MGAT4C: variants seen among roughly 807,000 people sequenced by gnomAD.
MGAT4C encodes the protein MGAT4 family member C, also known as alpha-1,3-mannosyl-glycoprotein 4-beta-N-acetylglucosaminyltransferase C.
Under a neutral mutation model 40.1 loss-of-function variants are expected in MGAT4C, and 19 were observed. The observed-to-expected ratio is 0.47, with a 90% CI of 0.33 to 0.70. The LOEUF (loss-of-function observed/expected upper bound fraction) is 0.70, where lower values mean the gene tolerates loss of function less well. MGAT4C is among the 30% of genes least tolerant of loss of function. The pLI, the probability that MGAT4C is intolerant of heterozygous loss-of-function variation, is 0.02. For synonymous variants in MGAT4C, 181 were observed against 187.1 expected (o/e 0.97, Z 0.27); for missense variants, 491 against 563.2 (o/e 0.87, Z 1.30).
intron 1 of MGAT4C, among the ~76,000 whole-genome samples, chr12:86,200,924 T>C (rs898543773): frequency 6.6e-6 from 1 of 152,134 alleles, no homozygotes; most frequent in African/African-American, 2.4e-5. Context: ...GGAGAGGCCA[T>C]GTGAGGACAT....
intron 1 of MGAT4C, among the ~76,000 whole-genome samples, chr12:86,124,239 C>G (rs1473334871): frequency 6.6e-6 from 1 of 152,148 alleles, no homozygotes; most frequent in Non-Finnish European, 1.5e-5. Context: ...ATTCTCCAAA[C>G]TCACTTGCCT....
At chr12:86,341,062 C>A (rs1459273564) in intron 3 of MGAT4C, among the ~76,000 whole-genome samples, 1 of 152,114 alleles carries the variant, frequency 6.6e-6, no homozygotes, top group Non-Finnish European at 1.5e-5. Flanking sequence ...ACAAAAGGGG[C>A]AAGTAAATAC....
chr12:86,392,982 C>A (rs1407102539), intron 3 of MGAT4C, among the ~76,000 whole-genome samples: 1 of 152,054 alleles, frequency 6.6e-6, no homozygotes, highest in East Asian at 1.9e-4. Context: ...ACTAAGAAAA[C>A]AATTTGCATC....
chr12:86,506,223 C>A (rs942847108), intron 2 of MGAT4C, among the ~76,000 whole-genome samples: 1 of 152,156 alleles, frequency 6.6e-6, no homozygotes, highest in Non-Finnish European at 1.5e-5. Context: ...CCAAATAGAA[C>A]CACTCTTCCT....
rs113052073 is a variant in MGAT4C at position 86,404,032 on chromosome 12, C to A, written c.-120+31125G>T. On this transcript the variant is annotated intron_variant, in intron 3 of 7. Coordinates refer to the MGAT4C transcript ENST00000548651. ...AATAATGAAGACTGTACATTAAAAC[C>A]TTTCACTGGTCATGGTGGTGTTCAC... Among the ~76,000 whole-genome samples the A allele has an allele frequency of 5.8e-3, 885 of 152,016 alleles. 7 individuals are homozygous for A. The highest frequency in any genetic ancestry group is 0.02 in the African/African-American group (849 of 41,464).
At position 85,962,895 on chromosome 12, in the gene MGAT4C, G is replaced by A. The variant is rs1361333865; in HGVS notation, c.*16394C>T. On this transcript the variant is annotated 3_prime_UTR_variant, in exon 5 of 5. Transcript: ENST00000611864. ...AATGGGTAAATAGCTGTTTATGTTAGTATTGCAGGGTAGCTATTTGATAAT... is the reference window on the plus strand; with the variant it reads ...AATGGGTAAATAGCTGTTTATGTTAATATTGCAGGGTAGCTATTTGATAAT... The A allele has an allele frequency of 1.3e-5, 2 of 151,510 alleles. No homozygotes were observed. Among genetic ancestry groups the A allele is most frequent in the African/African-American group, 4.8e-5 (2 of 41,352 alleles). The allele number at this position is 151,510 out of a possible 1,614,324, so 9.4% of individuals were successfully genotyped here.
chr12:86,190,484 A>T (rs925476686), intron 1 of MGAT4C, among the ~76,000 whole-genome samples: 3 of 152,144 alleles, frequency 2.0e-5, no homozygotes. Flanking sequence ...CAGATCATAC[A>T]TCATTCCTTT....
intron 1 of MGAT4C, among the ~76,000 whole-genome samples, chr12:86,837,967 C>T (rs1361609652): frequency 2.0e-5 from 3 of 152,098 alleles, no homozygotes; most frequent in Non-Finnish European, 4.4e-5. Flanking sequence ...TAGCATTTTG[C>T]TTTGCTAAAC....
chr12:86,013,271 G>A (rs1248356284), intron 2 of MGAT4C, among the ~76,000 whole-genome samples: 1 of 150,788 alleles, frequency 6.6e-6, no homozygotes, highest in Non-Finnish European at 1.5e-5. Flanking sequence ...ATTTTTTTTT[G>A]GAGACGGAGT....
intron 2 of MGAT4C, among the ~76,000 whole-genome samples, chr12:86,470,435 A>C (rs1052936269): frequency 3.3e-5 from 5 of 152,136 alleles, no homozygotes; most frequent in African/African-American, 1.2e-4. Flanking sequence ...AGAGAGAAAT[A>C]AGACAGCCCA....
rs1951317834 is a variant in MGAT4C at position 86,231,384 on chromosome 12, C to T, written c.-57+24855G>A. 2.0e-5 allele frequency among the ~76,000 whole-genome samples: 3 copies of T among 152,158 alleles called. No individual in the cohort carries two copies. The East Asian group carries it at 5.8e-4, about 29-fold the overall frequency. ...AACCCCTACTTATTATATTTGTGTACCTAACCAGTGGGTTACCTTCTGCCT... is the reference window on the plus strand; with the variant it reads ...AACCCCTACTTATTATATTTGTGTATCTAACCAGTGGGTTACCTTCTGCCT... On this transcript the variant is annotated intron_variant, in intron 1 of 4. Coordinates refer to ENST00000611864, the MANE Select transcript of MGAT4C (RefSeq NM_001351288.2).
chr12:86,507,903 T>C (rs994056523), intron 2 of MGAT4C, among the ~76,000 whole-genome samples: 1 of 152,156 alleles, frequency 6.6e-6, no homozygotes, highest in African/African-American at 2.4e-5. Flanking sequence ...TCTTTGTGGT[T>C]CCATACAAAT....
chr12:86,348,469 T>A (rs1446711992), intron 3 of MGAT4C, among the ~76,000 whole-genome samples: 1 of 152,140 alleles, frequency 6.6e-6, no homozygotes, highest in Non-Finnish European at 1.5e-5. Context: ...TGCATTTCTC[T>A]TCCTTGGATT....
At chr12:86,689,857 C>T (rs1950144274) in intron 2 of MGAT4C, among the ~76,000 whole-genome samples, 1 of 152,214 alleles carries the variant, frequency 6.6e-6, no homozygotes, top group South Asian at 2.1e-4. Flanking sequence ...GGGAGATCCA[C>T]TTCTCTCTTC....
At chr12:86,253,954 T>C (rs1440133806) in intron 1 of MGAT4C, among the ~76,000 whole-genome samples, 1 of 151,952 alleles carries the variant, frequency 6.6e-6, no homozygotes, top group African/African-American at 2.4e-5. Context: ...AGAAAAAATA[T>C]ATCACCCCCA....
intron 1 of MGAT4C, among the ~76,000 whole-genome samples, chr12:86,198,804 C>T (rs902025596): frequency 1.3e-5 from 2 of 152,052 alleles, no homozygotes; most frequent in Non-Finnish European, 2.9e-5. Flanking sequence ...GTTGAAAATT[C>T]CTCTTCCCAA....
chr12:85,994,513 C>A (rs192239750), intron 2 of MGAT4C, among the ~76,000 whole-genome samples: 3 of 151,990 alleles, frequency 2.0e-5, no homozygotes, highest in South Asian at 4.2e-4. Context: ...GACTGCAGGC[C>A]GTTAAAAATT....
intron 2 of MGAT4C, among the ~76,000 whole-genome samples, chr12:86,637,424 A>C (rs1346450413): frequency 6.6e-6 from 1 of 151,928 alleles, no homozygotes; most frequent in Non-Finnish European, 1.5e-5. Flanking sequence ...TCCCTGAGTG[A>C]ATACCCAGGA....
At chr12:86,514,123 T>C (rs1958643866) in intron 2 of MGAT4C, among the ~76,000 whole-genome samples, 1 of 150,264 alleles carries the variant, frequency 6.7e-6, no homozygotes, top group African/African-American at 2.5e-5. Context: ...CCCGGCTTAG[T>C]AGAGATTTGG....
Sources: allele counts gnomAD v4.1 joint callset (sites outside exome capture counted in the v4.1 genomes callset), GRCh38; gene constraint gnomAD v4.1.1; transcripts MANE v1.5; gene names NCBI Gene and HGNC (gene_info 2026-07-23, HGNC 2026-07-21).